ANKRD12: variants seen among roughly 807,000 people sequenced by gnomAD.
ANKRD12 encodes the protein ankyrin repeat domain-containing protein 12.
ANKRD12 carries 85 observed loss-of-function variants against 183.4 expected under a neutral mutation model. The observed-to-expected ratio is 0.46, with a 90% CI of 0.39 to 0.56. ANKRD12 has a LOEUF of 0.56. ANKRD12 is among the 20% of genes least tolerant of loss of function. ANKRD12 has a pLI of 0.00. For missense variants in ANKRD12, 2,405 were observed against 2,357.1 expected, an observed-to-expected ratio of 1.02 and a Z score of -0.42; for synonymous variants, 914 against 800.2, an observed-to-expected ratio of 1.14 and a Z score of -2.40.
chr18:9,168,180 T>C (rs1360087416), intron 1 of ANKRD12, among the ~76,000 whole-genome samples: 2 of 151,384 alleles, frequency 1.3e-5, no homozygotes, highest in African/African-American at 4.8e-5. Context: ...TAAAATTCTC[T>C]TTTTTTTGTT....
intron 1 of ANKRD12, among the ~76,000 whole-genome samples, chr18:9,149,793 A>ATTTTTTTTT (rs11403682): frequency 2.1e-5 from 3 of 145,054 alleles, no homozygotes; most frequent in Non-Finnish European, 3.0e-5. Context: ...TATTTATTAA[A>ATTTTTTTTT]TTTTATTTTT....
At position 9,283,633 on chromosome 18, in the gene ANKRD12, A is replaced by G. The variant is rs1400990047; in HGVS notation, c.*2507A>G. On this transcript the variant is annotated 3_prime_UTR_variant, in exon 13 of 13. Transcript: ENST00000262126. Reference sequence around the variant, plus strand: ...TCAGTGATTCTTTTTAAACTCTTCAAATATCATGAACAAGATACTAAATTG... The same window carrying G: ...TCAGTGATTCTTTTTAAACTCTTCAGATATCATGAACAAGATACTAAATTG... 2 of 152,636 alleles carry G rather than the reference A, an allele frequency of 1.3e-5. No homozygotes were observed. The highest frequency in any genetic ancestry group is 2.4e-5 in the African/African-American group (1 of 41,458). The allele number at this position is 152,636 out of a possible 1,614,324, so 9.5% of individuals were successfully genotyped here. A position where few individuals can be genotyped will look rare whatever the true frequency, so the allele number is the denominator to read the frequency against.
intron 1 of ANKRD12, among the ~76,000 whole-genome samples, chr18:9,149,554 T>G (rs962192524): frequency 1.3e-5 from 2 of 152,190 alleles, no homozygotes; most frequent in African/African-American, 2.4e-5. Context: ...AATTTCAAGT[T>G]ACAATTAGAA....
intron 8 of ANKRD12, among the ~76,000 whole-genome samples, chr18:9,228,193 T>C (rs534590000): frequency 6.6e-6 from 1 of 152,334 alleles, no homozygotes; most frequent in South Asian, 2.1e-4. Context: ...CTCTAGTGTA[T>C]ATATGCACCA....
At position 9,192,837 on chromosome 18, in the gene ANKRD12, G is replaced by T. The variant is rs1038199500; in HGVS notation, c.88-2714G>T. On this transcript the variant is annotated intron_variant, in intron 2 of 12. Transcript: ENST00000262126. The stretch of plus-strand genomic sequence containing the variant: ...GCTGGGACTACAGGTGTGTGCCATT[G>T]CGCCCAGCTAGTTTTTAAAAATTTT... Among the ~76,000 whole-genome samples, 4 of 150,996 alleles carry T rather than the reference G, an allele frequency of 2.6e-5. No homozygotes were observed. In the East Asian group the frequency reaches 7.9e-4, roughly 30 times the overall value.
rs2035909752 is a variant in ANKRD12, at chr18:9,213,298, A to C, written c.652+1514A>C. Among the ~76,000 whole-genome samples, 3 of 152,122 alleles carry C rather than the reference A, an allele frequency of 2.0e-5. No homozygotes were observed. The South Asian group carries it at 6.2e-4, about 32-fold the overall frequency. The stretch of plus-strand genomic sequence containing the variant: ...GTATCTACCTTAAAGAGTGAGACTT[A>C]AAATGCATGGCATTTATTCTAGAGG... On this transcript the variant is annotated intron_variant, in intron 6 of 12. Transcript: ENST00000262126.
Position 9,204,465 on chromosome 18 carries a change from T to C in ANKRD12, c.236-11T>C. ...CTTTTTTCTCTTCTCCTGTCTCTTCTCATTCTGTAGATTCAGATCCAGGAC... is the reference window on the plus strand; with the variant it reads ...CTTTTTTCTCTTCTCCTGTCTCTTCCCATTCTGTAGATTCAGATCCAGGAC... On this transcript the variant is annotated splice_polypyrimidine_tract_variant and intron_variant, in intron 3 of 12. Transcript: ENST00000262126. 6.3e-7 allele frequency: 1 copy of C among 1,587,776 alleles called. No homozygotes were observed. Among genetic ancestry groups the C allele is most frequent in the South Asian group, 1.1e-5 (1 of 88,562 alleles).
intron 8 of ANKRD12, among the ~76,000 whole-genome samples, chr18:9,244,722 A>C (rs1018925729): frequency 6.6e-6 from 1 of 152,220 alleles, no homozygotes. Flanking sequence ...ACGCAGGCTA[A>C]AATAATAGCA....
At chr18:9,199,225 C>G (rs1336754255) in intron 3 of ANKRD12, among the ~76,000 whole-genome samples, 1 of 151,944 alleles carries the variant, frequency 6.6e-6, no homozygotes, top group Non-Finnish European at 1.5e-5. Context: ...CCTGGTAGGT[C>G]GAGGCTACAG....
intron 1 of ANKRD12, among the ~76,000 whole-genome samples, chr18:9,157,604 T>TATATATGTA (rs1491418837): frequency 7.8e-4 from 36 of 45,902 alleles, no homozygotes; most frequent in South Asian, 1.7e-3. Context: ...TATATATGTA[T>TATATATGTA]TTTTTTTTTT....
chr18:9,257,992 C>T lies in ANKRD12; in HGVS notation c.4725C>T (p.Asn1575=). 2 of 1,613,766 alleles carry T rather than the reference C, an allele frequency of 1.2e-6. No homozygotes were observed. Among genetic ancestry groups the T allele is most frequent in the Non-Finnish European group, 1.7e-6 (2 of 1,179,934 alleles). The stretch of plus-strand genomic sequence containing the variant: ...GCACTATTCAAGAAGCATCACCAAA[C>T]TTTGAGAAAGCTTATACTTTACCTG... ...SDSTIQEASP[N]FEKAYTLPVL... is the part of the protein sequence containing the mutation. The change falls in exon 9 of 13, where the codon AAC becomes AAT. Residue 1575 remains asparagine, a synonymous_variant. Transcript: ENST00000262126.
At chr18:9,161,866 T>C (rs905208932) in intron 1 of ANKRD12, among the ~76,000 whole-genome samples, 1 of 151,722 alleles carries the variant, frequency 6.6e-6, no homozygotes, top group African/African-American at 2.4e-5. Flanking sequence ...TATTTATTTA[T>C]TTATAACGTT....
At chr18:9,197,620 G>T (rs554131700) in intron 3 of ANKRD12, among the ~76,000 whole-genome samples, 25 of 151,746 alleles carry the variant, frequency 1.6e-4, no homozygotes, top group South Asian at 2.1e-4. Flanking sequence ...CTGAGATGAC[G>T]TGTTATATTA....
chr18:9,233,129 G>C (rs978501670), intron 8 of ANKRD12, among the ~76,000 whole-genome samples: 2 of 152,060 alleles, frequency 1.3e-5, no homozygotes, highest in Non-Finnish European at 2.9e-5. Context: ...TGTGATTACA[G>C]ATGTGAGCCA....
chr18:9,161,406 C>T (rs993077898), intron 1 of ANKRD12, among the ~76,000 whole-genome samples: 11 of 151,428 alleles, frequency 7.3e-5, no homozygotes, highest in Admixed American at 2.6e-4. Flanking sequence ...GACAGAGTCT[C>T]GCTCTGTCAC....
intron 8 of ANKRD12, among the ~76,000 whole-genome samples, chr18:9,251,510 C>G (rs1026459501): frequency 6.6e-6 from 1 of 151,990 alleles, no homozygotes; most frequent in South Asian, 2.1e-4. Flanking sequence ...AAGAAAAATG[C>G]TGGCTGGGCA....
chr18:9,213,975 A>C (rs2035949879), intron 6 of ANKRD12, among the ~76,000 whole-genome samples: 1 of 152,004 alleles, frequency 6.6e-6, no homozygotes, highest in Non-Finnish European at 1.5e-5. Flanking sequence ...ATTTATTGGA[A>C]AGCTTAAATA....
chr18:9,191,223 C>T (rs925326667), intron 2 of ANKRD12, among the ~76,000 whole-genome samples: 2 of 152,124 alleles, frequency 1.3e-5, no homozygotes, highest in Admixed American at 1.3e-4. Flanking sequence ...GAGTTATGGG[C>T]CTAGGATGTG....
intron 4 of ANKRD12, among the ~76,000 whole-genome samples, chr18:9,207,302 T>C (rs184312832): frequency 2.0e-5 from 3 of 152,212 alleles, no homozygotes; most frequent in South Asian, 2.1e-4. Flanking sequence ...ATAATAAATA[T>C]GAAAAGATTA....
Sources: allele counts gnomAD v4.1 joint callset (sites outside exome capture counted in the v4.1 genomes callset), GRCh38; gene constraint gnomAD v4.1.1; transcripts MANE v1.5; gene names NCBI Gene and HGNC (gene_info 2026-07-23, HGNC 2026-07-21).